Variants in DMD observed in about 807,000 individuals in gnomAD.
DMD encodes the protein dystrophin.
In DMD, 63 loss-of-function variants were observed where a neutral mutation model predicts 330.1. The observed-to-expected ratio is 0.19, with a 90% CI of 0.16 to 0.24. DMD has a LOEUF of 0.24. Ranked by LOEUF, DMD falls within the 10% of genes least tolerant of loss-of-function variation. DMD has a pLI of 1.00. For missense variants in DMD, 3,344 were observed against 2,684.1 expected (o/e 1.25, Z -5.43); for synonymous variants, 1,223 against 959.8 (o/e 1.27, Z -5.07).
In DMD at chrX:32,834,530, A is replaced by T. The variant is rs965843054; in HGVS notation, c.264+10253T>A. The stretch of plus-strand genomic sequence containing the variant: ...GATCAGTGACATCTGACAACCATTC[A>T]ATCTAATTCAGTGACTATTTTCAAT... On this transcript the variant is annotated intron_variant, in intron 4 of 78. Transcript: ENST00000357033. Among the ~76,000 whole-genome samples, 5 of 111,787 alleles carry T rather than the reference A, an allele frequency of 4.5e-5. No homozygotes were observed. In the Admixed American group the frequency reaches 4.8e-4, roughly 11 times the overall value.
intron 29 of DMD, among the ~76,000 whole-genome samples, chrX:32,425,688 G>T (rs2098209598): frequency 9.0e-6 from 1 of 111,160 alleles, no homozygotes; most frequent in Non-Finnish European, 1.9e-5. Flanking sequence ...AATGAGAGAA[G>T]GAGCAAAGAA....
At chrX:32,990,187 C>T (rs1473650382) in intron 2 of DMD, among the ~76,000 whole-genome samples, 2 of 111,716 alleles carry the variant, frequency 1.8e-5, no homozygotes, top group Non-Finnish European at 3.8e-5. Flanking sequence ...TTGCCTATAA[C>T]ATAAACTTAA....
At chrX:32,728,737 C>T (rs2067182864) in intron 7 of DMD, among the ~76,000 whole-genome samples, 2 of 111,836 alleles carry the variant, frequency 1.8e-5, no homozygotes, top group African/African-American at 6.5e-5. Context: ...CTTCTTCTTC[C>T]TGTATTTTTT....
intron 43 of DMD, among the ~76,000 whole-genome samples, chrX:32,227,197 T>A (rs1358376140): frequency 3.1e-5 from 3 of 97,638 alleles, no homozygotes; most frequent in African/African-American, 1.1e-4. Flanking sequence ...TATTTATATG[T>A]GTGTGAATGA....
At chrX:32,259,558 TA>T (rs2097313525) in intron 43 of DMD, among the ~76,000 whole-genome samples, 1 of 111,592 alleles carries the variant, frequency 9.0e-6, no homozygotes, top group South Asian at 3.6e-4. Flanking sequence ...ATTATTATAT[TA>T]AATTTATATT....
rs185177438 is a variant in DMD, at chrX:32,009,942, G to A, written c.6439-41428C>T. Among the ~76,000 whole-genome samples, 6 of 112,138 alleles carry A rather than the reference G, an allele frequency of 5.4e-5. No individual in the cohort carries two copies. In the East Asian group the frequency reaches 1.7e-3, roughly 32 times the overall value. ...AAACGAGTCCCTGGATTTAAAATCT[G>A]AGAGCTGATTTCCTCTTTGATTCCT... On this transcript the variant is annotated intron_variant, in intron 44 of 78. Transcript: ENST00000357033.
intron 2 of DMD, among the ~76,000 whole-genome samples, chrX:32,922,702 C>G (rs1239575009): frequency 1.8e-5 from 2 of 112,375 alleles, no homozygotes; most frequent in African/African-American, 6.5e-5. Flanking sequence ...CCTGCTGTTC[C>G]CCCTGGTTTC....
At chrX:32,472,526 C>A (rs980183803) in intron 21 of DMD, among the ~76,000 whole-genome samples, 2 of 111,431 alleles carry the variant, frequency 1.8e-5, no homozygotes, top group Non-Finnish European at 3.8e-5. Context: ...ATTCACAAAT[C>A]AGCCTGTAAA....
At chrX:33,247,398 T>C (rs1208661826) in intron 1 of DMD, among the ~76,000 whole-genome samples, 1 of 112,141 alleles carries the variant, frequency 8.9e-6, no homozygotes, top group Non-Finnish European at 1.9e-5. Context: ...GGGGAAATAT[T>C]TTTAATTTTT....
At chrX:31,284,602 C>CTTCTTCTTCTTCTTCTTCTTCTTCTTCT in intron 62 of DMD, among the ~76,000 whole-genome samples, 1 of 90,989 alleles carries the variant, frequency 1.1e-5, no homozygotes, top group African/African-American at 4.3e-5. Context: ...TCTTCTTCTT[C>CTTCTTCTTCTTCTTCTTCTTCTTCTTCT]TTCTTTTTTT....
chrX:31,943,678 A>G (rs2095037155), intron 45 of DMD, among the ~76,000 whole-genome samples: 2 of 109,639 alleles, frequency 1.8e-5, no homozygotes, highest in Admixed American at 2.0e-4. Context: ...TTATAATTTC[A>G]CCTCCTATTT....
intron 1 of DMD, among the ~76,000 whole-genome samples, chrX:33,166,813 C>A (rs1427598459): frequency 9.2e-6 from 1 of 108,718 alleles, no homozygotes; most frequent in Non-Finnish European, 1.9e-5. Flanking sequence ...ATTGAGTGAA[C>A]CTGAATGAGC....
At chrX:32,514,959 T>A (rs911893494) in intron 18 of DMD, among the ~76,000 whole-genome samples, 1 of 111,529 alleles carries the variant, frequency 9.0e-6, no homozygotes, top group African/African-American at 3.3e-5. Context: ...AATGAGAAAA[T>A]ATGATAAAAT....
At chrX:31,463,371 A>G (rs1232584870) in intron 59 of DMD, among the ~76,000 whole-genome samples, 1 of 112,219 alleles carries the variant, frequency 8.9e-6, no homozygotes, top group Non-Finnish European at 1.9e-5. Flanking sequence ...AACTGTTCCC[A>G]TAATACCCAG....
At chrX:33,331,909 T>C (rs1234226046) in intron 1 of DMD, among the ~76,000 whole-genome samples, 1 of 111,961 alleles carries the variant, frequency 8.9e-6, no homozygotes, top group African/African-American at 3.2e-5. Context: ...AAGTCATCTT[T>C]TCAAAAGTAG....
chrX:31,484,288 A>G (rs1338220950), intron 57 of DMD, among the ~76,000 whole-genome samples: 1 of 111,991 alleles, frequency 8.9e-6, no homozygotes, highest in African/African-American at 3.2e-5. Flanking sequence ...TAAACCAGAG[A>G]AGTCAGTTCC....
At chrX:32,873,924 C>T (rs1045913884) in intron 2 of DMD, among the ~76,000 whole-genome samples, 17 of 111,921 alleles carry the variant, frequency 1.5e-4, no homozygotes, top group African/African-American at 4.9e-4. Flanking sequence ...ATGAAACATC[C>T]CTTAGATCAG....
rs1176979906 is a variant in DMD at position 32,970,654 on chromosome X, A to C, written c.93+49485T>G. Among the ~76,000 whole-genome samples the C allele has an allele frequency of 2.2e-5, 2 of 91,941 alleles. 1 individual carries two copies. The highest frequency in any genetic ancestry group is 9.9e-5 in the African/African-American group (2 of 20,302). The allele number at this position is 91,941 out of a possible 115,157, so 79.8% of individuals were successfully genotyped here. A position where few individuals can be genotyped will look rare whatever the true frequency, so the allele number is the denominator to read the frequency against. On this transcript the variant is annotated intron_variant, in intron 2 of 78. Transcript: ENST00000357033. ...ATCTCAAATAATACTGATAATGATA[A>C]TGATAATGATAATAAAAATAATAAC... is the stretch of plus-strand genomic sequence containing the variant.
At chrX:31,194,538 CACAT>C (rs1335106519) in intron 67 of DMD, among the ~76,000 whole-genome samples, 2 of 112,331 alleles carry the variant, frequency 1.8e-5, no homozygotes, top group African/African-American at 3.2e-5. Context: ...CACAGACAGA[CACAT>C]ACATAAACAG....
Sources: allele counts gnomAD v4.1 joint callset (sites outside exome capture counted in the v4.1 genomes callset), GRCh38; gene constraint gnomAD v4.1.1; transcripts MANE v1.5; gene names NCBI Gene and HGNC (gene_info 2026-07-23, HGNC 2026-07-21).